Variants in ALKBH5 observed in about 807,000 individuals in gnomAD.
ALKBH5 encodes the protein alkB homolog 5, RNA demethylase, also known as RNA demethylase ALKBH5.
A neutral mutation model predicts 32.1 loss-of-function variants in ALKBH5; 2 were observed. The observed-to-expected ratio is 0.06, with a 90% CI of 0.03 to 0.20. The LOEUF (loss-of-function observed/expected upper bound fraction) is 0.20. ALKBH5 is among the 10% of genes least tolerant of loss of function. The pLI is 1.00. For missense variants in ALKBH5, 352 were observed against 559.5 expected (o/e 0.63, Z 3.74); for synonymous variants, 300 against 231.7 (o/e 1.29, Z -2.68).
At position 18,209,091 on chromosome 17, in the gene ALKBH5, G is replaced by C. The variant is rs1180336500; in HGVS notation, c.*695G>C. 3 of 157,926 alleles carry C rather than the reference G, an allele frequency of 1.9e-5. No homozygotes were observed. The highest frequency in any genetic ancestry group is 4.2e-5 in the Non-Finnish European group (3 of 71,160). 9.8% of individuals were successfully genotyped at this position (157,926 alleles called of 1,614,324 possible). On this transcript the variant is annotated 3_prime_UTR_variant, in exon 4 of 4. Coordinates refer to ENST00000399138, the MANE Select transcript of ALKBH5 (RefSeq NM_017758.4). ...AGTTCCTTGGGCTGCTGAGGGGCTA[G>C]TGCAGTGGTCCTGACCTCTCTTATC...
intron 2 of ALKBH5, chr17:18,206,487 G>A (rs2047269648): frequency 4.7e-6 from 1 of 213,064 alleles, no homozygotes; most frequent in African/African-American, 2.3e-5. Context: ...CAGAGAACCT[G>A]TGGGTCCAAG....
At position 18,206,950 on chromosome 17, in the gene ALKBH5, A is replaced by T. The variant is rs776151395; in HGVS notation, c.987A>T (p.Ala329=). ...ALKPKRSHRK[A]DPDAAHRPRI... ...AACCCAAGCGGTCCCACCGCAAGGC[A>T]GACCCTGATGCTGCCCACAGGTACT... Residue 329 remains alanine (A), a synonymous_variant, in exon 3 of 4, where the codon GCA becomes GCT. Coordinates refer to ENST00000399138, the MANE Select transcript of ALKBH5 (RefSeq NM_017758.4). 7.4e-6 allele frequency: 12 copies of T among 1,614,132 alleles called. No individual in the cohort carries two copies. In the African/African-American group the frequency reaches 1.1e-4, roughly 14 times the overall value.
rs778498996 is a variant in ALKBH5 at position 18,206,867 on chromosome 17, T to C, written c.904T>C (p.Leu302=). Reference sequence around the variant, plus strand: ...AACAAAGTCCCTGAGCAGCTCCGTGTTACCACCCAGCTATGCTTCAGATCG... The same window carrying C: ...AACAAAGTCCCTGAGCAGCTCCGTGCTACCACCCAGCTATGCTTCAGATCG... ...LETKSLSSSV[L]PPSYASDRLS... is the part of the protein sequence containing the mutation. The change falls in exon 3 of 4, where the codon TTA becomes CTA. Residue 302 remains leucine (L), a synonymous_variant. Transcript: ENST00000399138. 6.2e-7 allele frequency: 1 copy of C among 1,614,238 alleles called. No individual in the cohort carries two copies. The highest frequency in any genetic ancestry group is 1.7e-5 in the Admixed American group (1 of 60,026).
chr17:18,183,840 A>G lies in ALKBH5; in HGVS notation c.-404A>G, dbSNP rs1177680450. 11 of 313,122 alleles carry G rather than the reference A, an allele frequency of 3.5e-5. No homozygotes were observed. The highest frequency in any genetic ancestry group is 2.4e-4 in the South Asian group (10 of 42,370). 19.4% of individuals were successfully genotyped at this position (313,122 alleles called of 1,614,324 possible). ...GCGCGTGCGCGGTGAGGAGCCCGCT[A>G]AGGAGCGGCGCTGGCGGACGTCGGG... On this transcript the variant is annotated 5_prime_UTR_variant, in exon 1 of 4. Transcript: ENST00000399138.
chr17:18,186,942 T>G (rs1289780257), intron 1 of ALKBH5, among the ~76,000 whole-genome samples: 1 of 152,200 alleles, frequency 6.6e-6, no homozygotes, highest in Non-Finnish European at 1.5e-5. Context: ...TGTGGTGATT[T>G]GTTGTCTAAG....
chr17:18,187,365 CTG>C (rs1049480462), intron 1 of ALKBH5, among the ~76,000 whole-genome samples: 3 of 152,144 alleles, frequency 2.0e-5, no homozygotes, highest in East Asian at 1.9e-4. Context: ...TTAGTAGAGA[CTG>C]TGGTTGAGGG....
chr17:18,203,650 C>T (rs2047254049), intron 2 of ALKBH5, among the ~76,000 whole-genome samples: 1 of 152,258 alleles, frequency 6.6e-6, no homozygotes, highest in African/African-American at 2.4e-5. Flanking sequence ...TGACTCTCTG[C>T]TAAACCCTGA....
intron 2 of ALKBH5, among the ~76,000 whole-genome samples, chr17:18,201,794 A>AGATAGGATAGATAAGAT (rs1491101824): frequency 3.0e-5 from 4 of 134,510 alleles, no homozygotes; most frequent in East Asian, 2.4e-4. Context: ...TAGGATAGAT[A>AGATAGGATAGATAAGAT]AGATAGATAG....
intron 1 of ALKBH5, among the ~76,000 whole-genome samples, chr17:18,186,997 C>T (rs1390959182): frequency 6.6e-6 from 1 of 152,144 alleles, no homozygotes; most frequent in Non-Finnish European, 1.5e-5. Flanking sequence ...TGCTTGCTTT[C>T]ATATACAACC....
chr17:18,195,436 G>GTTT (rs1052798755), intron 2 of ALKBH5, among the ~76,000 whole-genome samples: 2 of 152,124 alleles, frequency 1.3e-5, no homozygotes, highest in Non-Finnish European at 2.9e-5. Context: ...AAATGCCTGG[G>GTTT]TTTTCACTGC....
At chr17:18,202,137 C>T (rs933297554) in intron 2 of ALKBH5, among the ~76,000 whole-genome samples, 37 of 151,726 alleles carry the variant, frequency 2.4e-4, no homozygotes, top group Admixed American at 3.9e-4. Context: ...GAAACCCCGT[C>T]TCTACTAAAA....
chr17:18,202,599 A>G (rs921057347), intron 2 of ALKBH5, among the ~76,000 whole-genome samples: 1 of 152,098 alleles, frequency 6.6e-6, no homozygotes, highest in African/African-American at 2.4e-5. Flanking sequence ...TGCCTGGTAA[A>G]GGTGGTGCCA....
At chr17:18,193,066 C>T (rs1215490928) in intron 1 of ALKBH5, among the ~76,000 whole-genome samples, 1 of 151,858 alleles carries the variant, frequency 6.6e-6, no homozygotes, top group East Asian at 1.9e-4. Context: ...CCATGTCGGC[C>T]AGACTGGTTA....
rs1001187091 is a variant in ALKBH5, at chr17:18,209,732, T to G, written c.*1336T>G. 3.9e-5 allele frequency: 6 copies of G among 152,592 alleles called. No homozygotes were observed. Among genetic ancestry groups the G allele is most frequent in the Middle Eastern group, 3.4e-3 (1 of 294 alleles). The allele number at this position is 152,592 out of a possible 1,614,324, so 9.5% of individuals were successfully genotyped here. A position where few individuals can be genotyped will look rare whatever the true frequency, so the allele number is the denominator to read the frequency against. ...ACAGAGGTCCGGGTCTGAGACCTCA[T>G]AGGCTGCAGAAATCTGGGGCAGCCA... is the stretch of plus-strand genomic sequence containing the variant. On this transcript the variant is annotated 3_prime_UTR_variant, in exon 4 of 4. Coordinates refer to ENST00000399138, the MANE Select transcript of ALKBH5 (RefSeq NM_017758.4).
At position 18,208,892 on chromosome 17, in the gene ALKBH5, T is replaced by C. The variant is rs2047287565; in HGVS notation, c.*496T>C. The C allele has an allele frequency of 4.2e-6, 1 of 238,008 alleles. No homozygotes were observed. The highest frequency in any genetic ancestry group is 8.4e-6 in the Non-Finnish European group (1 of 119,640). The allele number at this position is 238,008 out of a possible 1,614,324, so 14.7% of individuals were successfully genotyped here. On this transcript the variant is annotated 3_prime_UTR_variant, in exon 4 of 4. Coordinates refer to ENST00000399138, the MANE Select transcript of ALKBH5 (RefSeq NM_017758.4). ...CACAGGCTCTGCTGTTCTCCACTTC[T>C]CACCTGCCATCCACGCCCTGCAAGC...
intron 2 of ALKBH5, among the ~76,000 whole-genome samples, chr17:18,205,939 G>A (rs981863792): frequency 2.0e-5 from 3 of 152,180 alleles, no homozygotes; most frequent in Non-Finnish European, 4.4e-5. Flanking sequence ...TTCCCACCCA[G>A]TCTATTACAT....
In ALKBH5 at chr17:18,208,258, C is replaced by T. The variant is rs750600614; in HGVS notation, c.1047C>T (p.Arg349=). 9.3e-6 allele frequency: 15 copies of T among 1,613,378 alleles called. No homozygotes were observed. The East Asian group carries it at 3.1e-4, about 34-fold the overall frequency. ...ILEMDKEENR[R]SVLLPTHRRR... is the part of the protein sequence containing the mutation. Reference sequence around the variant, plus strand: ...AGATGGACAAGGAAGAGAACCGGCGCTCGGTGCTGCTGCCCACACACCGGC... The same window carrying T: ...AGATGGACAAGGAAGAGAACCGGCGTTCGGTGCTGCTGCCCACACACCGGC... Residue 349 remains arginine (R), a synonymous_variant, in exon 4 of 4, where the codon CGC becomes CGT. Transcript: ENST00000399138.
intron 1 of ALKBH5, among the ~76,000 whole-genome samples, chr17:18,193,004 A>G (rs1196053388): frequency 6.6e-6 from 1 of 151,700 alleles, no homozygotes; most frequent in Admixed American, 6.6e-5. Flanking sequence ...AATTACAGGC[A>G]CCTGCCATCA....
Position 18,183,996 on chromosome 17 carries a change from C to G in ALKBH5, c.-248C>G, listed in dbSNP as rs1287092349. The G allele has an allele frequency of 1.5e-6, 1 of 652,674 alleles. No individual in the cohort carries two copies. Among genetic ancestry groups the G allele is most frequent in the South Asian group, 1.5e-5 (1 of 65,052 alleles). The allele number at this position is 652,674 out of a possible 1,614,324, so 40.4% of individuals were successfully genotyped here. ...GCATGAGGCGCTGCCGGCGCCCCTG[C>G]CCCGCGGGACGTGGAGAAGGTGGAG... is the stretch of plus-strand genomic sequence containing the variant. On this transcript the variant is annotated 5_prime_UTR_variant, in exon 1 of 4. Coordinates refer to ENST00000399138, the MANE Select transcript of ALKBH5 (RefSeq NM_017758.4).
Sources: allele counts gnomAD v4.1 joint callset (sites outside exome capture counted in the v4.1 genomes callset), GRCh38; gene constraint gnomAD v4.1.1; transcripts MANE v1.5; gene names NCBI Gene and HGNC (gene_info 2026-07-23, HGNC 2026-07-21).